The following CNTN4 variants were observed in gnomAD, a reference collection of about 807,000 sequenced individuals.
CNTN4 encodes contactin-4.
Under a neutral mutation model 122.5 loss-of-function variants are expected in CNTN4, and 77 were observed. The ratio of observed to expected loss-of-function variants is 0.63; its 90% confidence interval spans 0.52 to 0.76. The LOEUF (loss-of-function observed/expected upper bound fraction) is 0.76. Ranked by LOEUF, CNTN4 falls within the 30% of genes least tolerant of loss-of-function variation. The pLI is 0.00. For synonymous variants in CNTN4, 512 were observed against 447.0 expected (o/e 1.15, Z -1.83); for missense variants, 1,256 against 1,259.1 (o/e 1.00, Z 0.04).
intron 4 of CNTN4, among the ~76,000 whole-genome samples, chr3:2,585,071 G>A (rs1317537847): frequency 6.6e-6 from 1 of 152,058 alleles, no homozygotes; most frequent in African/African-American, 2.4e-5. Flanking sequence ...CTAATATTTT[G>A]TCATTAACTA....
intron 2 of CNTN4, among the ~76,000 whole-genome samples, chr3:2,261,507 A>T (rs1360240998): frequency 6.6e-6 from 1 of 152,192 alleles, no homozygotes; most frequent in Non-Finnish European, 1.5e-5. Context: ...AAAGCTGTCC[A>T]GAAGAGAGAT....
chr3:2,618,598 C>T (rs1314229238), intron 4 of CNTN4, among the ~76,000 whole-genome samples: 1 of 152,062 alleles, frequency 6.6e-6, no homozygotes, highest in African/African-American at 2.4e-5. Context: ...ATAAATTAAA[C>T]AGTTTGCTCA....
chr3:2,387,914 C>G (rs1346140494), intron 3 of CNTN4, among the ~76,000 whole-genome samples: 1 of 152,162 alleles, frequency 6.6e-6, no homozygotes, highest in Non-Finnish European at 1.5e-5. Flanking sequence ...CTGTGCCATG[C>G]AAGCTGTGAA....
At chr3:2,517,624 A>G (rs779462243) in intron 3 of CNTN4, among the ~76,000 whole-genome samples, 6 of 152,166 alleles carry the variant, frequency 3.9e-5, no homozygotes, top group Non-Finnish European at 7.4e-5. Context: ...TAATATGTTT[A>G]GGTCTTCCAA....
intron 6 of CNTN4, among the ~76,000 whole-genome samples, chr3:2,782,292 T>TC (rs1553638425): frequency 6.7e-6 from 1 of 149,518 alleles, no homozygotes; most frequent in Non-Finnish European, 1.5e-5. Flanking sequence ...AGATGGTAGG[T>TC]GGGGGGGGGC....
At chr3:2,305,579 C>A (rs544015318) in intron 2 of CNTN4, among the ~76,000 whole-genome samples, 28 of 152,222 alleles carry the variant, frequency 1.8e-4, no homozygotes, top group African/African-American at 5.8e-4. Flanking sequence ...TTTATGTTGA[C>A]CAATTCATAT....
intron 7 of CNTN4, among the ~76,000 whole-genome samples, chr3:2,844,893 G>T (rs191488792): frequency 1.6e-4 from 24 of 152,266 alleles, no homozygotes; most frequent in African/African-American, 5.5e-4. Flanking sequence ...GTTGCCTGTG[G>T]CAAGCTGAAG....
intron 7 of CNTN4, among the ~76,000 whole-genome samples, chr3:2,861,857 G>A (rs1281534741): frequency 2.0e-5 from 3 of 152,104 alleles, no homozygotes; most frequent in Non-Finnish European, 4.4e-5. Flanking sequence ...TAGAATGTAC[G>A]GAATGATGAA....
At chr3:2,183,465 G>T (rs34016870) in intron 2 of CNTN4, among the ~76,000 whole-genome samples, 90,612 of 151,574 alleles carry the variant, frequency 0.6, 27,452 homozygotes, top group Non-Finnish European at 0.66. Flanking sequence ...CTCTTTTTTT[G>T]GGGCTCATTT....
At chr3:2,481,070 TC>T (rs2075987830) in intron 3 of CNTN4, among the ~76,000 whole-genome samples, 1 of 144,214 alleles carries the variant, frequency 6.9e-6, no homozygotes, top group African/African-American at 2.7e-5. Flanking sequence ...TCTCTCTTTC[TC>T]TCTTTCTCTC....
At chr3:2,593,479 T>C (rs540713371) in intron 4 of CNTN4, among the ~76,000 whole-genome samples, 7 of 152,332 alleles carry the variant, frequency 4.6e-5, no homozygotes, top group Non-Finnish European at 8.8e-5. Flanking sequence ...AGAGTTGCAA[T>C]TGAAACTTGG....
At chr3:2,216,352 A>G (rs1380526331) in intron 2 of CNTN4, among the ~76,000 whole-genome samples, 1 of 152,186 alleles carries the variant, frequency 6.6e-6, no homozygotes, top group African/African-American at 2.4e-5. Flanking sequence ...TTATGAACAC[A>G]GATGTGGAAA....
chr3:2,567,948 A>G (rs555939999), intron 3 of CNTN4, among the ~76,000 whole-genome samples: 60 of 152,292 alleles, frequency 3.9e-4, no homozygotes, highest in South Asian at 8.3e-4. Flanking sequence ...GCACCGAATT[A>G]TAATGACTGG....
At chr3:2,905,046 C>T (rs943174990) in intron 12 of CNTN4, among the ~76,000 whole-genome samples, 9 of 152,230 alleles carry the variant, frequency 5.9e-5, no homozygotes, top group African/African-American at 2.2e-4. Context: ...TATGTGTACG[C>T]ATAATGGCTT....
intron 4 of CNTN4, among the ~76,000 whole-genome samples, chr3:2,714,132 C>A (rs1436667877): frequency 6.6e-6 from 1 of 152,226 alleles, no homozygotes; most frequent in Non-Finnish European, 1.5e-5. Context: ...GAAATGGGCT[C>A]CCCCTGTTGG....
chr3:2,915,547 T>C (rs1164894314), intron 12 of CNTN4, among the ~76,000 whole-genome samples: 2 of 152,232 alleles, frequency 1.3e-5, no homozygotes, highest in Non-Finnish European at 2.9e-5. Context: ...CTAGGTTAAA[T>C]AGAAGTGCTG....
At chr3:2,168,186 A>C (rs2036287535) in intron 2 of CNTN4, among the ~76,000 whole-genome samples, 1 of 152,222 alleles carries the variant, frequency 6.6e-6, no homozygotes, top group Non-Finnish European at 1.5e-5. Context: ...TATTGTTTCA[A>C]AAATGTTTTT....
intron 3 of CNTN4, among the ~76,000 whole-genome samples, chr3:2,402,210 C>T (rs1222753129): frequency 6.6e-6 from 1 of 152,064 alleles, no homozygotes; most frequent in East Asian, 1.9e-4. Context: ...TTTATCATAT[C>T]CCCAACATGC....
chr3:2,707,066 G>A (rs145402886), intron 4 of CNTN4, among the ~76,000 whole-genome samples: 219 of 152,122 alleles, frequency 1.4e-3, no homozygotes, highest in South Asian at 0.011. Context: ...TTAGGAGGCC[G>A]AGGCAGGTGG....
Sources: allele counts gnomAD v4.1 joint callset (sites outside exome capture counted in the v4.1 genomes callset), GRCh38; gene constraint gnomAD v4.1.1; transcripts MANE v1.5; gene names NCBI Gene and HGNC (gene_info 2026-07-23, HGNC 2026-07-21).